AGBL4: variants seen among roughly 807,000 people sequenced by gnomAD.
AGBL4 encodes the protein AGBL carboxypeptidase 4.
Under a neutral mutation model 66.4 loss-of-function variants are expected in AGBL4, and 58 were observed. The ratio of observed to expected loss-of-function variants is 0.87; its 90% CI spans 0.71 to 1.09. The LOEUF (loss-of-function observed/expected upper bound fraction) is 1.09, where lower values mean the gene tolerates loss of function less well. Among genes scored for constraint, AGBL4 ranks in the 50% least tolerant of loss-of-function variants. The pLI is 0.00. For synonymous variants in AGBL4, 234 were observed against 222.9 expected (o/e 1.05, Z -0.44); for missense variants, 579 against 631.0 (o/e 0.92, Z 0.88).
intron 9 of AGBL4, among the ~76,000 whole-genome samples, chr1:48,603,427 G>GC (rs1645105558): frequency 1.3e-5 from 2 of 152,062 alleles, no homozygotes; most frequent in African/African-American, 4.8e-5. Context: ...CCGAGATTGC[G>GC]CCACAGCACT....
chr1:48,897,309 G>A (rs945400821), intron 5 of AGBL4, among the ~76,000 whole-genome samples: 1 of 151,884 alleles, frequency 6.6e-6, no homozygotes, highest in Non-Finnish European at 1.5e-5. Context: ...CAAATGAGAG[G>A]GTTTCATTAT....
At chr1:49,970,827 A>G (rs1256693946) in intron 1 of AGBL4, among the ~76,000 whole-genome samples, 1 of 151,810 alleles carries the variant, frequency 6.6e-6, no homozygotes, top group Non-Finnish European at 1.5e-5. Flanking sequence ...CGACAGTGAG[A>G]TATTACCTCA....
intron 9 of AGBL4, among the ~76,000 whole-genome samples, chr1:48,595,622 C>A (rs1003414296): frequency 6.6e-6 from 1 of 152,232 alleles, no homozygotes; most frequent in African/African-American, 2.4e-5. Flanking sequence ...CAGCCAGCAG[C>A]TCCTCTTGCA....
intron 3 of AGBL4, among the ~76,000 whole-genome samples, chr1:49,622,923 C>T (rs756292864): frequency 6.6e-6 from 1 of 152,072 alleles, no homozygotes; most frequent in Admixed American, 6.6e-5. Context: ...CAAATGCAAC[C>T]CCCTTGGTGA....
chr1:49,809,079 A>G (rs980398345), intron 2 of AGBL4, among the ~76,000 whole-genome samples: 4 of 152,204 alleles, frequency 2.6e-5, no homozygotes, highest in African/African-American at 9.6e-5. Context: ...CAATTGAATA[A>G]TACTATTAAA....
intron 3 of AGBL4, among the ~76,000 whole-genome samples, chr1:49,485,907 A>G (rs1325478880): frequency 6.6e-6 from 1 of 152,020 alleles, no homozygotes; most frequent in Non-Finnish European, 1.5e-5. Flanking sequence ...AATATTTGCT[A>G]GCATAACAGG....
At chr1:48,934,794 C>T (rs1341513037) in intron 5 of AGBL4, among the ~76,000 whole-genome samples, 1 of 152,146 alleles carries the variant, frequency 6.6e-6, no homozygotes, top group African/African-American at 2.4e-5. Context: ...ATTCTTTCTC[C>T]AGGATGCCTA....
intron 8 of AGBL4, 116 bp downstream of exon 8, chr1:48,653,221 T>C (rs1645960722): frequency 1.2e-5 from 9 of 769,358 alleles, no homozygotes; most frequent in Non-Finnish European, 1.8e-5. Context: ...CTTTCTCTAA[T>C]GAACTCATGG....
intron 4 of AGBL4, among the ~76,000 whole-genome samples, chr1:49,207,316 T>C (rs1484485455): frequency 6.6e-6 from 1 of 151,972 alleles, no homozygotes; most frequent in Non-Finnish European, 1.5e-5. Context: ...ATGATGCTCC[T>C]TTGAGGGAGG....
At chr1:48,970,070 G>A (rs188645854) in intron 5 of AGBL4, among the ~76,000 whole-genome samples, 17 of 152,260 alleles carry the variant, frequency 1.1e-4, no homozygotes, top group Admixed American at 7.8e-4. Flanking sequence ...GAAAATGACA[G>A]AGTTAGGATT....
intron 3 of AGBL4, among the ~76,000 whole-genome samples, chr1:49,457,784 C>T (rs920703315): frequency 6.6e-5 from 10 of 151,846 alleles, no homozygotes; most frequent in Admixed American, 6.6e-4. Flanking sequence ...AAGTGGCTTG[C>T]CAATTATCCC....
At chr1:48,743,969 G>T (rs1026158449) in intron 6 of AGBL4, among the ~76,000 whole-genome samples, 2 of 152,164 alleles carry the variant, frequency 1.3e-5, no homozygotes, top group African/African-American at 4.8e-5. Flanking sequence ...AATGAAACTT[G>T]CACAAAGCTG....
intron 4 of AGBL4, among the ~76,000 whole-genome samples, chr1:49,216,209 T>C (rs1403667727): frequency 1.3e-5 from 2 of 152,156 alleles, no homozygotes; most frequent in Non-Finnish European, 2.9e-5. Context: ...GTTAGACCAC[T>C]GGTTGCCAAT....
chr1:49,370,873 G>A (rs990676832), intron 3 of AGBL4, among the ~76,000 whole-genome samples: 1 of 152,182 alleles, frequency 6.6e-6, no homozygotes, highest in African/African-American at 2.4e-5. Flanking sequence ...TGAGTTAGAT[G>A]AGGTTAACAT....
chr1:49,944,405 C>T (rs771864733), intron 1 of AGBL4, among the ~76,000 whole-genome samples: 9 of 152,018 alleles, frequency 5.9e-5, no homozygotes, highest in Non-Finnish European at 1.0e-4. Flanking sequence ...CAGTAACAGC[C>T]CAAAGCCTGG....
intron 1 of AGBL4, among the ~76,000 whole-genome samples, chr1:49,885,565 C>T (rs912862614): frequency 2.0e-5 from 3 of 151,950 alleles, no homozygotes; most frequent in African/African-American, 4.8e-5. Context: ...TAGTCTACAA[C>T]ACAAACAAGA....
intron 2 of AGBL4, among the ~76,000 whole-genome samples, chr1:49,784,894 T>C (rs1352110224): frequency 2.6e-5 from 4 of 152,062 alleles, no homozygotes; most frequent in African/African-American, 4.8e-5. Context: ...CACAATGAGA[T>C]ACTTCTTCAC....
At chr1:49,205,899 A>G (rs956705548) in intron 4 of AGBL4, among the ~76,000 whole-genome samples, 7 of 152,132 alleles carry the variant, frequency 4.6e-5, no homozygotes, top group African/African-American at 1.7e-4. Flanking sequence ...CCAGGGACCC[A>G]ATATCTTCAC....
intron 4 of AGBL4, among the ~76,000 whole-genome samples, chr1:49,163,274 C>T (rs1329611560): frequency 3.9e-5 from 6 of 152,140 alleles, no homozygotes; most frequent in African/African-American, 7.2e-5. Flanking sequence ...ATGAATAAGA[C>T]ACTTTCCTCC....
Sources: allele counts gnomAD v4.1 joint callset (sites outside exome capture counted in the v4.1 genomes callset), GRCh38; gene constraint gnomAD v4.1.1; transcripts MANE v1.5; gene names NCBI Gene and HGNC (gene_info 2026-07-23, HGNC 2026-07-21).